Variants in GPC6 observed in about 807,000 individuals in gnomAD.
The protein encoded by GPC6 is glypican 6.
A neutral mutation model predicts 55.2 loss-of-function variants in GPC6; 14 were observed. That is an observed-to-expected ratio of 0.25 (90% CI 0.17 to 0.40). The LOEUF (loss-of-function observed/expected upper bound fraction) is 0.40, where lower values mean the gene tolerates loss of function less well. Ranked by LOEUF, GPC6 falls within the 10% of genes least tolerant of loss-of-function variation. The pLI is 1.00. For missense variants in GPC6, 641 were observed against 708.5 expected, an observed-to-expected ratio of 0.90 and a Z score of 1.08; for synonymous variants, 278 against 259.6, an observed-to-expected ratio of 1.07 and a Z score of -0.68.
intron 6 of GPC6, among the ~76,000 whole-genome samples, chr13:94,380,741 G>C (rs1324879704): frequency 6.6e-6 from 1 of 152,108 alleles, no homozygotes; most frequent in Non-Finnish European, 1.5e-5. Context: ...TTATCTAATA[G>C]AGAGCCAGCA....
At chr13:93,734,049 T>C (rs1183306909) in intron 2 of GPC6, among the ~76,000 whole-genome samples, 1 of 152,196 alleles carries the variant, frequency 6.6e-6, no homozygotes, top group Non-Finnish European at 1.5e-5. Flanking sequence ...TGCTATTGAA[T>C]TCATCATGTG....
intron 4 of GPC6, among the ~76,000 whole-genome samples, chr13:94,039,959 CATAAT>C (rs1459619111): frequency 6.6e-6 from 1 of 151,912 alleles, no homozygotes; most frequent in African/African-American, 2.4e-5. Flanking sequence ...GAATGCTTAA[CATAAT>C]GATTTAACGG....
chr13:93,914,321 G>T (rs919426103), intron 3 of GPC6, among the ~76,000 whole-genome samples: 4 of 151,924 alleles, frequency 2.6e-5, no homozygotes, highest in South Asian at 2.1e-4. Context: ...GCGGTGTTTG[G>T]TTTTTTTGTC....
chr13:93,554,644 C>A (rs748186688), intron 2 of GPC6, among the ~76,000 whole-genome samples: 2 of 152,200 alleles, frequency 1.3e-5, no homozygotes, highest in Non-Finnish European at 2.9e-5. Context: ...TGATTTTTCA[C>A]TGAATGACCA....
At chr13:93,469,123 G>C (rs1879018591) in intron 1 of GPC6, among the ~76,000 whole-genome samples, 1 of 152,032 alleles carries the variant, frequency 6.6e-6, no homozygotes, top group South Asian at 2.1e-4. Context: ...TCATAATGAA[G>C]CTGAATATTA....
chr13:93,969,056 T>A (rs1396216136), intron 3 of GPC6, among the ~76,000 whole-genome samples: 1 of 152,134 alleles, frequency 6.6e-6, no homozygotes, highest in African/African-American at 2.4e-5. Flanking sequence ...ATGCTAAACA[T>A]TTAGAAGATG....
intron 2 of GPC6, among the ~76,000 whole-genome samples, chr13:93,687,467 A>G (rs905357164): frequency 6.6e-6 from 1 of 152,102 alleles, no homozygotes; most frequent in Non-Finnish European, 1.5e-5. Flanking sequence ...TTGAAAGTTG[A>G]GGCCAACTCA....
intron 1 of GPC6, among the ~76,000 whole-genome samples, chr13:93,306,040 T>A (rs760180142): frequency 1.3e-5 from 2 of 152,190 alleles, no homozygotes; most frequent in Non-Finnish European, 2.9e-5. Context: ...GTACAAATTA[T>A]GTTTAGAATA....
intron 2 of GPC6, among the ~76,000 whole-genome samples, chr13:93,758,746 A>G (rs1424361516): frequency 6.6e-6 from 1 of 152,038 alleles, no homozygotes. Context: ...AACACCATAG[A>G]AGTTGAACAC....
rs1243290695 is a variant in GPC6 at position 94,210,204 on chromosome 13, T to C, written c.878-76145T>C. Among the ~76,000 whole-genome samples the C allele has an allele frequency of 7.3e-5, 11 of 149,816 alleles. No homozygotes were observed. In the Admixed American group the frequency reaches 7.4e-4, roughly 10 times the overall value. ...CAGAGTCTCGCTGTGCCACCCAGGC[T>C]GGAGTATAGTGGCACAATCTCAGCT... On this transcript the variant is annotated intron_variant, in intron 4 of 8. Coordinates refer to ENST00000377047, the MANE Select transcript of GPC6 (RefSeq NM_005708.5).
intron 2 of GPC6, among the ~76,000 whole-genome samples, chr13:93,779,261 G>A (rs1351243117): frequency 6.6e-6 from 1 of 152,142 alleles, no homozygotes; most frequent in Non-Finnish European, 1.5e-5. Flanking sequence ...ACACTGGACT[G>A]AATTCACTGG....
chr13:93,557,526 A>T (rs1330569540), intron 2 of GPC6, among the ~76,000 whole-genome samples: 1 of 152,214 alleles, frequency 6.6e-6, no homozygotes, highest in Admixed American at 6.5e-5. Context: ...CTTGACCACT[A>T]GTCCAAGGTT....
intron 1 of GPC6, among the ~76,000 whole-genome samples, chr13:93,350,375 A>G (rs979934132): frequency 1.3e-5 from 2 of 152,198 alleles, no homozygotes; most frequent in African/African-American, 4.8e-5. Context: ...CGGAGGTTGC[A>G]GTGAGCCAAG....
chr13:93,556,697 C>T (rs532886194), intron 2 of GPC6, among the ~76,000 whole-genome samples: 15 of 152,024 alleles, frequency 9.9e-5, no homozygotes, highest in East Asian at 7.7e-4. Context: ...ACCACTCACT[C>T]GCTGCCCGTC....
chr13:94,337,636 C>T (rs1230668862), intron 6 of GPC6, among the ~76,000 whole-genome samples: 1 of 151,978 alleles, frequency 6.6e-6, no homozygotes, highest in Non-Finnish European at 1.5e-5. Context: ...TAGGCAGAGA[C>T]AGTGTTTCAT....
At chr13:94,119,471 T>A (rs1886550487) in intron 4 of GPC6, among the ~76,000 whole-genome samples, 1 of 140,674 alleles carries the variant, frequency 7.1e-6, no homozygotes. Context: ...GCAGGGGTTG[T>A]GGGGGAATAG....
At chr13:93,505,995 T>C (rs904557886) in intron 1 of GPC6, among the ~76,000 whole-genome samples, 3 of 152,212 alleles carry the variant, frequency 2.0e-5, no homozygotes, top group African/African-American at 7.2e-5. Flanking sequence ...TTTTTCTACT[T>C]TATCTCATTC....
intron 3 of GPC6, among the ~76,000 whole-genome samples, chr13:93,848,705 A>C (rs1888288023): frequency 6.6e-6 from 1 of 152,026 alleles, no homozygotes; most frequent in African/African-American, 2.4e-5. Flanking sequence ...CTTGCCTTTA[A>C]GTCTTCCATC....
chr13:94,124,491 C>T (rs527529224), intron 4 of GPC6, among the ~76,000 whole-genome samples: 2 of 152,082 alleles, frequency 1.3e-5, no homozygotes. Flanking sequence ...TCAGAGAAGA[C>T]TTTATGGTCT....
Sources: allele counts gnomAD v4.1 joint callset (sites outside exome capture counted in the v4.1 genomes callset), GRCh38; gene constraint gnomAD v4.1.1; transcripts MANE v1.5; gene names NCBI Gene and HGNC (gene_info 2026-07-23, HGNC 2026-07-21).